The following COL18A1 variants were observed in gnomAD, a reference collection of about 807,000 sequenced individuals.
The protein encoded by COL18A1 is collagen type XVIII alpha 1 chain.
Under a neutral mutation model 168.0 loss-of-function variants are expected in COL18A1, and 133 were observed. That is an observed-to-expected ratio of 0.79 (90% CI 0.69 to 0.91). The LOEUF (loss-of-function observed/expected upper bound fraction) is 0.91, where lower values mean the gene tolerates loss of function less well. Ranked by LOEUF, COL18A1 falls within the 40% of genes least tolerant of loss-of-function variation. COL18A1 has a pLI of 0.00. For synonymous variants in COL18A1, 949 were observed against 809.0 expected (o/e 1.17, Z -2.94); for missense variants, 2,126 against 1,925.4 (o/e 1.10, Z -1.95).
chr21:45,476,551 ATGG>A (rs1362217378), intron 6 of COL18A1, 71 bp downstream of exon 6: 8 of 1,509,934 alleles, frequency 5.3e-6, no homozygotes, highest in Middle Eastern at 1.7e-4. Flanking sequence ...TGTTTGTGTG[ATGG>A]TGAGGTATGT....
Position 45,504,605 on chromosome 21 carries a change from G to A in COL18A1, c.2868+49G>A, listed in dbSNP as rs775345811. ...GAGCCCATGTCCCAGGGGTCTGGGT[G>A]CAGGAGCCGAGGGCAGGTCCAGCCC... is the stretch of plus-strand genomic sequence containing the variant. On this transcript the variant is annotated intron_variant, in intron 34 of 41. Coordinates refer to ENST00000651438, the MANE Select transcript of COL18A1 (RefSeq NM_001379500.1). The A allele has an allele frequency of 2.6e-6, 4 of 1,526,552 alleles. No homozygotes were observed. The East Asian group carries it at 9.8e-5, about 37-fold the overall frequency. 94.6% of individuals were successfully genotyped at this position (1,526,552 alleles called of 1,614,324 possible).
At chr21:45,482,742 G>A (rs959165510) in intron 14 of COL18A1, 53 bp from the exon 15 acceptor site, 3 of 1,614,038 alleles carry the variant, frequency 1.9e-6, no homozygotes, top group Non-Finnish European at 1.7e-6. Flanking sequence ...GCCTTCCTCT[G>A]TCCACTGTGC....
Position 45,490,862 on chromosome 21 carries a change from G to T in COL18A1, c.2058G>T (p.Arg686=), listed in dbSNP as rs2036313224. 6.5e-7 allele frequency: 1 copy of T among 1,550,164 alleles called. No homozygotes were observed. The highest frequency in any genetic ancestry group is 1.4e-5 in the African/African-American group (1 of 73,158). The stretch of plus-strand genomic sequence containing the variant: ...GGCCAAAGGGAGACAGAGGCAGCCG[G>T]GGAGAAAAGGTGAGTGTCCCTGGGG... ...PQGPKGDRGS[R]GEKGDPGKDG... is the part of the protein sequence containing the mutation. Residue 686 remains arginine, a synonymous_variant, in exon 21 of 42, where the codon CGG becomes CGT. Coordinates refer to ENST00000651438, the MANE Select transcript of COL18A1 (RefSeq NM_001379500.1).
chr21:45,485,032 C>T (rs1357598967), intron 15 of COL18A1, among the ~76,000 whole-genome samples: 2 of 151,992 alleles, frequency 1.3e-5, no homozygotes, highest in African/African-American at 2.4e-5. Flanking sequence ...GAGACAGAGT[C>T]TCCGCAGTGG....
At chr21:45,435,672 G>T (rs1036483965) in intron 2 of COL18A1, among the ~76,000 whole-genome samples, 3 of 152,120 alleles carry the variant, frequency 2.0e-5, no homozygotes, top group Admixed American at 6.5e-5. Flanking sequence ...TGCCCACTGG[G>T]GTAGACGCTG....
chr21:45,478,550 G>C (rs562982900), intron 9 of COL18A1, among the ~76,000 whole-genome samples, 197 bp downstream of exon 9: 61 of 152,248 alleles, frequency 4.0e-4, no homozygotes, highest in Admixed American at 6.5e-4. Context: ...CATTTGTGTT[G>C]AGACATTTGG....
In COL18A1 at chr21:45,471,389, A is replaced by G. The variant is rs2035423992; in HGVS notation, c.652-2506A>G. ...AGACTTCTGAATTGAGATACTTGGG[A>G]AAGAAACATTCAAGTTGTGTGACTC... On this transcript the variant is annotated intron_variant, in intron 3 of 41. Coordinates refer to ENST00000651438, the MANE Select transcript of COL18A1 (RefSeq NM_001379500.1). The surrounding 1 kb of genome is among the most constrained non-coding windows in gnomAD (Gnocchi z 4.4). 1.3e-5 allele frequency among the ~76,000 whole-genome samples: 2 copies of G among 152,194 alleles called. No homozygotes were observed. The highest frequency in any genetic ancestry group is 1.5e-5 in the Non-Finnish European group (1 of 68,034).
intron 26 of COL18A1, chr21:45,494,250 CA>C: frequency 2.1e-6 from 1 of 481,272 alleles, no homozygotes; most frequent in Admixed American, 3.3e-5. Flanking sequence ...ACATGCCCTC[CA>C]CCCTCCACCC....
chr21:45,511,828 G>A (rs962192030), intron 41 of COL18A1, among the ~76,000 whole-genome samples: 2 of 152,196 alleles, frequency 1.3e-5, no homozygotes, highest in African/African-American at 4.8e-5. Flanking sequence ...TGGGCCCCAG[G>A]GAAGGCCTGA....
intron 15 of COL18A1, among the ~76,000 whole-genome samples, chr21:45,484,165 T>TGC (rs2036005335): frequency 7.9e-6 from 1 of 127,154 alleles, no homozygotes; most frequent in African/African-American, 3.2e-5. Flanking sequence ...CCAGCATATG[T>TGC]ACACGCGCAC....
intron 2 of COL18A1, chr21:45,419,657 A>G (rs2033559523): frequency 6.6e-6 from 1 of 152,172 alleles, no homozygotes; most frequent in African/African-American, 2.4e-5. Flanking sequence ...AAAGCCACGG[A>G]TGGGCACCAT....
At chr21:45,449,615 C>A (rs1186158215) in intron 2 of COL18A1, among the ~76,000 whole-genome samples, 1 of 152,138 alleles carries the variant, frequency 6.6e-6, no homozygotes, top group Non-Finnish European at 1.5e-5. Flanking sequence ...AGGCTGTAAG[C>A]TGGGGGTGGG....
chr21:45,417,839 G>A (rs900578459), intron 2 of COL18A1, among the ~76,000 whole-genome samples: 12 of 152,224 alleles, frequency 7.9e-5, no homozygotes, highest in African/African-American at 2.7e-4. Context: ...CGCTAAGGGT[G>A]GGGAGAATTG....
chr21:45,444,534 G>T (rs893418719), intron 2 of COL18A1, among the ~76,000 whole-genome samples: 1 of 152,110 alleles, frequency 6.6e-6, no homozygotes, highest in Non-Finnish European at 1.5e-5. Context: ...GTGCATGGAG[G>T]GTGGTTCCAC....
chr21:45,496,132 G>T (rs2330180), intron 29 of COL18A1: 72,725 of 369,396 alleles, frequency 0.2, 6,779 homozygotes, highest in Middle Eastern at 0.25. Flanking sequence ...CTCCATGCTG[G>T]GGGTTCTCCC....
chr21:45,459,295 AGGAGGG>A lies in COL18A1; in HGVS notation c.107-8942_107-8937del, dbSNP rs2145864578. On this transcript the variant is annotated intron_variant, in intron 2 of 41. Transcript: ENST00000651438. ...CCAGCCCTGGGTGAGGGGCAGGAGG[AGGAGGG>A]GGAGCCCAGCCTGACCCCTCGGGCA... 2.0e-5 allele frequency among the ~76,000 whole-genome samples: 3 copies of A among 152,192 alleles called. No individual in the cohort carries two copies. In the East Asian group the frequency reaches 5.8e-4, roughly 29 times the overall value.
At chr21:45,422,515 C>T (rs1330339765) in intron 2 of COL18A1, 1 of 524,950 alleles carries the variant, frequency 1.9e-6, no homozygotes, top group South Asian at 1.4e-5. Context: ...GCTGCCTGGC[C>T]TGACGCACCT....
In COL18A1 at chr21:45,473,555, G is replaced by A. The variant is rs1366495603; in HGVS notation, c.652-340G>A. On this transcript the variant is annotated intron_variant, in intron 3 of 41. Transcript: ENST00000651438. This position sits in a 1 kb window ranked among gnomAD's most constrained non-coding sequence, Gnocchi z 4.0. ...ACTTGACCTGCAGCCCCTCGAATCT[G>A]CCCGCCCTCCCAGGCCTTGGATCGA... is the stretch of plus-strand genomic sequence containing the variant. Among the ~76,000 whole-genome samples, 1 of 152,084 alleles carries A rather than the reference G, an allele frequency of 6.6e-6. No homozygotes were observed. Among genetic ancestry groups the A allele is most frequent in the Non-Finnish European group, 1.5e-5 (1 of 68,002 alleles).
At chr21:45,465,029 C>T (rs899287702) in intron 2 of COL18A1, among the ~76,000 whole-genome samples, 1 of 152,282 alleles carries the variant, frequency 6.6e-6, no homozygotes, top group East Asian at 1.9e-4. Context: ...TCTGAAAGTT[C>T]CTCTTTCCTT....
Sources: gnomAD v4.1 joint callset for allele counts (sites outside exome capture counted in the v4.1 genomes callset) on GRCh38, gnomAD v4.1.1 for gene constraint, Gnocchi (gnomAD v3.1) non-coding constraint, MANE v1.5 for transcripts, NCBI Gene and HGNC (gene_info 2026-07-23, HGNC 2026-07-21) for gene names.